Variants in CCDC102B observed in about 807,000 individuals in gnomAD.
CCDC102B encodes coiled-coil domain-containing protein 102B.
In CCDC102B, 75 loss-of-function variants were observed where a neutral mutation model predicts 57.4. The observed-to-expected ratio is 1.31, with a 90% CI of 1.08 to 1.58. The LOEUF is 1.58. CCDC102B is among the 40% of genes most tolerant of loss of function. The pLI is 0.00. For missense variants in CCDC102B, 636 were observed against 582.6 expected, an observed-to-expected ratio of 1.09 and a Z score of -0.94; for synonymous variants, 206 against 201.9, an observed-to-expected ratio of 1.02 and a Z score of -0.17.
intron 2 of CCDC102B, among the ~76,000 whole-genome samples, chr18:68,751,194 G>T (rs1206211573): frequency 6.6e-6 from 1 of 152,080 alleles, no homozygotes; most frequent in Non-Finnish European, 1.5e-5. Flanking sequence ...GTGAATACTG[G>T]ATTAGTTAAT....
intron 2 of CCDC102B, among the ~76,000 whole-genome samples, chr18:68,779,721 T>C (rs2034943888): frequency 6.6e-6 from 1 of 152,066 alleles, no homozygotes; most frequent in Non-Finnish European, 1.5e-5. Flanking sequence ...TATAGGTGAC[T>C]GTAGAGATGA....
intron 2 of CCDC102B, among the ~76,000 whole-genome samples, chr18:68,743,033 G>T (rs2033458008): frequency 6.6e-6 from 1 of 151,922 alleles, no homozygotes; most frequent in Non-Finnish European, 1.5e-5. Context: ...CTGGCATAAT[G>T]GGTTAGACAT....
rs577436934 is a variant in CCDC102B, at chr18:68,994,557, G to T, written c.1264-16377G>T. Among the ~76,000 whole-genome samples the T allele has an allele frequency of 2.4e-4, 36 of 152,080 alleles. No individual in the cohort carries two copies. The South Asian group carries it at 6.0e-3, about 26-fold the overall frequency. On this transcript the variant is annotated intron_variant, in intron 6 of 7. Transcript: ENST00000360242. The stretch of plus-strand genomic sequence containing the variant: ...GTGTAAAGGGAGACACCAGGTGAAG[G>T]TAATTGAATCATGGGAGTGTTTTCG...
intron 2 of CCDC102B, among the ~76,000 whole-genome samples, chr18:68,791,943 A>G (rs1410786348): frequency 6.6e-6 from 1 of 152,166 alleles, no homozygotes; most frequent in African/African-American, 2.4e-5. Flanking sequence ...AATGTCTGGT[A>G]ACATTTTTGG....
At position 68,989,127 on chromosome 18, in the gene CCDC102B, T is replaced by C. The variant is rs116418019; in HGVS notation, c.1264-21807T>C. 8.3e-3 allele frequency among the ~76,000 whole-genome samples: 1,266 copies of C among 152,318 alleles called. 29 individuals carry two copies. The highest frequency in any genetic ancestry group is 0.029 in the African/African-American group (1,188 of 41,574). Reference sequence around the variant, plus strand: ...TATTGGAAATCCGTATTCCATCCTATTTTGTTACTCTGCATGTATTCTCTC... The same window carrying C: ...TATTGGAAATCCGTATTCCATCCTACTTTGTTACTCTGCATGTATTCTCTC... On this transcript the variant is annotated intron_variant, in intron 6 of 7. Transcript: ENST00000360242.
intron 6 of CCDC102B, among the ~76,000 whole-genome samples, chr18:68,998,417 G>GTA (rs1326130212): frequency 1.1e-5 from 1 of 87,842 alleles, no homozygotes; most frequent in African/African-American, 3.2e-5. Context: ...CATATATATA[G>GTA]TATATATATA....
rs969276733 is a variant in CCDC102B, at chr18:68,723,262, A to C, written c.-67+6668A>C. 2.0e-4 allele frequency among the ~76,000 whole-genome samples: 31 copies of C among 152,226 alleles called. 1 individual carries two copies. Among genetic ancestry groups the C allele is most frequent in the Non-Finnish European group, 1.0e-4 (7 of 68,006 alleles). On this transcript the variant is annotated intron_variant, in intron 2 of 3. Transcript: ENST00000578970. ...ACCCTTGATACATGGGGATTATTAC[A>C]ATTCAAGATGAGATTTGGGTGGGGA...
At chr18:68,922,052 G>A (rs150912460) in intron 6 of CCDC102B, among the ~76,000 whole-genome samples, 3 of 152,188 alleles carry the variant, frequency 2.0e-5, no homozygotes, top group Admixed American at 6.5e-5. Flanking sequence ...AGCAGTATGA[G>A]GCCAATCAGC....
intron 4 of CCDC102B, among the ~76,000 whole-genome samples, chr18:68,873,157 T>C (rs1294719530): frequency 3.9e-5 from 6 of 152,142 alleles, no homozygotes; most frequent in African/African-American, 9.7e-5. Flanking sequence ...TGCCACATTG[T>C]CTATTTAACT....
At chr18:68,809,210 G>A (rs542055563) in intron 1 of CCDC102B, among the ~76,000 whole-genome samples, 1 of 152,276 alleles carries the variant, frequency 6.6e-6, no homozygotes, top group South Asian at 2.1e-4. Context: ...ATGTTACCAT[G>A]GGTGGGTGAA....
At chr18:68,971,797 T>G (rs539555026) in intron 6 of CCDC102B, among the ~76,000 whole-genome samples, 1 of 152,278 alleles carries the variant, frequency 6.6e-6, no homozygotes, top group African/African-American at 2.4e-5. Flanking sequence ...AGCATGTCAG[T>G]TATTAATTTA....
At chr18:68,979,514 A>C (rs1189774970) in intron 6 of CCDC102B, among the ~76,000 whole-genome samples, 1 of 142,452 alleles carries the variant, frequency 7.0e-6, no homozygotes, top group Non-Finnish European at 1.5e-5. Flanking sequence ...GAACTCCTAA[A>C]GTAGAGTTAA....
At chr18:68,832,150 G>GTCTT (rs2037170753) in intron 1 of CCDC102B, among the ~76,000 whole-genome samples, 1 of 151,624 alleles carries the variant, frequency 6.6e-6, no homozygotes, top group African/African-American at 2.4e-5. Flanking sequence ...TATAGATTAA[G>GTCTT]ATAAAGCAAT....
chr18:68,791,464 C>T (rs556781195), intron 2 of CCDC102B, among the ~76,000 whole-genome samples: 2 of 152,192 alleles, frequency 1.3e-5, no homozygotes, highest in South Asian at 4.1e-4. Context: ...GTAGAAGTCA[C>T]TCAGAAAAAT....
intron 3 of CCDC102B, among the ~76,000 whole-genome samples, chr18:68,845,397 A>G (rs1345534549): frequency 6.6e-6 from 1 of 151,806 alleles, no homozygotes; most frequent in African/African-American, 2.4e-5. Flanking sequence ...TCAGTGTCAT[A>G]TAACAATCAA....
chr18:68,903,417 G>A (rs2040518445), intron 6 of CCDC102B, among the ~76,000 whole-genome samples: 1 of 152,168 alleles, frequency 6.6e-6, no homozygotes, highest in Non-Finnish European at 1.5e-5. Context: ...ACCAGTGAGA[G>A]AACAAACACT....
chr18:68,724,906 G>A (rs959522665), intron 2 of CCDC102B, among the ~76,000 whole-genome samples: 1 of 152,146 alleles, frequency 6.6e-6, no homozygotes, highest in African/African-American at 2.4e-5. Flanking sequence ...GTATTAGACT[G>A]TTCTCTTGCT....
At chr18:68,850,562 A>G (rs1368810139) in intron 4 of CCDC102B, among the ~76,000 whole-genome samples, 2 of 152,110 alleles carry the variant, frequency 1.3e-5, no homozygotes, top group Non-Finnish European at 2.9e-5. Context: ...TTGAAGGGAA[A>G]GATACTTGGA....
At chr18:68,935,590 G>A (rs2049210841) in intron 6 of CCDC102B, among the ~76,000 whole-genome samples, 1 of 151,946 alleles carries the variant, frequency 6.6e-6, no homozygotes, top group Admixed American at 6.6e-5. Flanking sequence ...GTTGGATAAT[G>A]TAAACTGGGC....
Sources: allele counts gnomAD v4.1 joint callset (sites outside exome capture counted in the v4.1 genomes callset), GRCh38; gene constraint gnomAD v4.1.1; transcripts MANE v1.5; gene names NCBI Gene and HGNC (gene_info 2026-07-23, HGNC 2026-07-21).